Variants in NRCAM observed in about 807,000 individuals in gnomAD.
NRCAM encodes the protein NgCAM-related cell adhesion molecule.
Under a neutral mutation model 156.5 loss-of-function variants are expected in NRCAM, and 83 were observed. That is an observed-to-expected ratio of 0.53 (90% CI 0.44 to 0.64). The LOEUF (loss-of-function observed/expected upper bound fraction) is 0.64, where lower values mean the gene tolerates loss of function less well. Ranked by LOEUF, NRCAM falls within the 30% of genes least tolerant of loss-of-function variation. The pLI is 0.00. For missense variants in NRCAM, 1,417 were observed against 1,597.3 expected (o/e 0.89, Z 1.92); for synonymous variants, 538 against 563.9 (o/e 0.95, Z 0.65).
chr7:108,323,050 T>C (rs1337466439), intron 2 of NRCAM, among the ~76,000 whole-genome samples: 1 of 152,164 alleles, frequency 6.6e-6, no homozygotes, highest in Non-Finnish European at 1.5e-5. Context: ...GTTACCGGTG[T>C]TATGAGAGCT....
intron 3 of NRCAM, among the ~76,000 whole-genome samples, chr7:108,294,192 G>GTTT (rs1563141911): frequency 2.6e-5 from 3 of 115,772 alleles, no homozygotes; most frequent in African/African-American, 9.1e-5. Flanking sequence ...TTTCTTTACT[G>GTTT]GTTTTTTTTT....
At chr7:108,195,698 T>G (rs933384361) in intron 15 of NRCAM, 63 bp downstream of exon 15, 2 of 886,002 alleles carry the variant, frequency 2.3e-6, no homozygotes, top group Non-Finnish European at 3.7e-6. Flanking sequence ...CCCAACATAT[T>G]TAGAATATGA....
At chr7:108,321,225 T>A (rs1446780094) in intron 2 of NRCAM, among the ~76,000 whole-genome samples, 1 of 152,264 alleles carries the variant, frequency 6.6e-6, no homozygotes, top group African/African-American at 2.4e-5. Context: ...GCTTTAGCCA[T>A]GTTTTATTAT....
At chr7:108,339,854 A>G (rs571639765) in intron 2 of NRCAM, among the ~76,000 whole-genome samples, 1 of 152,276 alleles carries the variant, frequency 6.6e-6, no homozygotes, top group African/African-American at 2.4e-5. Flanking sequence ...TATTCTGGAC[A>G]ATTGGGACCA....
intron 3 of NRCAM, among the ~76,000 whole-genome samples, chr7:108,275,573 G>A (rs576038234): frequency 6.6e-6 from 1 of 152,102 alleles, no homozygotes; most frequent in African/African-American, 2.4e-5. Flanking sequence ...CTGCGGGATC[G>A]ATGGTGATAT....
Position 108,312,910 on chromosome 7 carries a change from CA to C in NRCAM, c.-173-180del, listed in dbSNP as rs563996469. 9.2e-5 allele frequency among the ~76,000 whole-genome samples: 14 copies of C among 152,242 alleles called. 1 individual carries two copies. The South Asian group carries it at 2.9e-3, about 32-fold the overall frequency. On this transcript the variant is annotated intron_variant, in intron 2 of 32. Transcript: ENST00000379028. ...AAAACATATCTCTGCTGGCTTCAATCAAAAGTGACAGCAGAGAAGTGACCAG... is the reference window on the plus strand; with the variant it reads ...AAAACATATCTCTGCTGGCTTCAATCAAAGTGACAGCAGAGAAGTGACCAG...
chr7:108,186,413 C>A (rs2066831894), intron 20 of NRCAM, among the ~76,000 whole-genome samples: 1 of 152,156 alleles, frequency 6.6e-6, no homozygotes, highest in Non-Finnish European at 1.5e-5. Flanking sequence ...ATAGTGACAG[C>A]CCAGGTCAAA....
chr7:108,198,889 T>G (rs944036974), intron 13 of NRCAM, among the ~76,000 whole-genome samples: 1 of 152,214 alleles, frequency 6.6e-6, no homozygotes, highest in African/African-American at 2.4e-5. Context: ...TGAAGTGGAA[T>G]AGAACTGGCT....
intron 2 of NRCAM, among the ~76,000 whole-genome samples, chr7:108,337,958 A>G (rs1272785459): frequency 6.6e-6 from 1 of 152,212 alleles, no homozygotes; most frequent in African/African-American, 2.4e-5. Flanking sequence ...GGCCGGTTAA[A>G]AACGATTAGC....
intron 3 of NRCAM, among the ~76,000 whole-genome samples, chr7:108,282,381 G>C (rs1035929596): frequency 1.3e-5 from 2 of 152,042 alleles, no homozygotes; most frequent in Non-Finnish European, 2.9e-5. Flanking sequence ...CTGGAGACAT[G>C]ATTACCAGAA....
At chr7:108,377,069 C>G (rs1216706080) in intron 2 of NRCAM, among the ~76,000 whole-genome samples, 1 of 152,054 alleles carries the variant, frequency 6.6e-6, no homozygotes, top group Non-Finnish European at 1.5e-5. Flanking sequence ...AAGGCTGAGG[C>G]AGGAGGATCA....
chr7:108,416,044 G>A (rs1801152049), intron 1 of NRCAM, among the ~76,000 whole-genome samples: 2 of 152,114 alleles, frequency 1.3e-5, no homozygotes, highest in South Asian at 2.1e-4. Context: ...GAGAGATGCT[G>A]CAAACATTTC....
intron 1 of NRCAM, among the ~76,000 whole-genome samples, chr7:108,439,431 A>G (rs1052289858): frequency 1.3e-5 from 2 of 152,194 alleles, no homozygotes; most frequent in Admixed American, 6.5e-5. Flanking sequence ...CCGGCAAAAC[A>G]TTTAGACATT....
Position 108,184,180 on chromosome 7 carries a change from T to G in NRCAM, c.2304+61A>C, listed in dbSNP as rs1016393756. 5 of 1,371,578 alleles carry G rather than the reference T, an allele frequency of 3.6e-6. No homozygotes were observed. The African/African-American group carries it at 7.1e-5, about 19-fold the overall frequency. The allele number at this position is 1,371,578 out of a possible 1,614,324, so 85.0% of individuals were successfully genotyped here. On this transcript the variant is annotated intron_variant, in intron 22 of 32. Coordinates refer to ENST00000379028, the MANE Select transcript of NRCAM (RefSeq NM_001037132.4). ...TGAGATTCTAATGTAGATATTATTTTCAAACAACTTTTTTTTCACTCTAAA... is the reference window on the plus strand; with the variant it reads ...TGAGATTCTAATGTAGATATTATTTGCAAACAACTTTTTTTTCACTCTAAA...
chr7:108,444,272 G>C (rs1842032615), intron 1 of NRCAM, among the ~76,000 whole-genome samples: 1 of 152,038 alleles, frequency 6.6e-6, no homozygotes, highest in Non-Finnish European at 1.5e-5. Context: ...GATATCCTGG[G>C]GGTAAGGGGG....
chr7:108,303,435 T>C (rs1036571506), intron 3 of NRCAM, among the ~76,000 whole-genome samples: 1 of 152,176 alleles, frequency 6.6e-6, no homozygotes, highest in African/African-American at 2.4e-5. Context: ...TTGCTTCTTA[T>C]CATCTCTAGC....
intron 7 of NRCAM, 149 bp from the exon 8 acceptor site, chr7:108,231,302 G>A (rs770153007): frequency 1.0e-4 from 61 of 581,880 alleles, no homozygotes; most frequent in Non-Finnish European, 1.6e-4. Context: ...TAAATACAAT[G>A]TTAAAAGAAA....
chr7:108,280,034 C>T (rs1046430321), intron 3 of NRCAM, among the ~76,000 whole-genome samples: 1 of 152,172 alleles, frequency 6.6e-6, no homozygotes, highest in Non-Finnish European at 1.5e-5. Context: ...CAACATTCAC[C>T]ATCAAAAACA....
Position 108,194,171 on chromosome 7 carries a change from T to C in NRCAM, c.1631A>G (p.Asp544Gly). 6.2e-7 allele frequency: 1 copy of C among 1,613,948 alleles called. No individual in the cohort carries two copies. Residue 544 changes from aspartate to glycine, a missense_variant and splice_region_variant, in exon 17 of 33, where the codon GAT becomes GGT. By Grantham distance (94) the Asp-to-Gly change is moderately conservative. Transcript: ENST00000379028. ...AKNEVHLEIK[D>G]PTWIVKQPEY... ...GGGCTGTTTAACGATCCATGTAGGATCTGAAATGTAGAGTCATCGTTATCC... is the reference window on the plus strand; with the variant it reads ...GGGCTGTTTAACGATCCATGTAGGACCTGAAATGTAGAGTCATCGTTATCC...
Sources: allele counts gnomAD v4.1 joint callset (sites outside exome capture counted in the v4.1 genomes callset), GRCh38; gene constraint gnomAD v4.1.1; transcripts MANE v1.5; gene names NCBI Gene and HGNC (gene_info 2026-07-23, HGNC 2026-07-21).